The following TSPOAP1 variants were observed in gnomAD, a reference collection of about 807,000 sequenced individuals.
The protein encoded by TSPOAP1 is TSPO associated protein 1.
Under a neutral mutation model 197.0 loss-of-function variants are expected in TSPOAP1, and 87 were observed. That is an observed-to-expected ratio of 0.44 (90% CI 0.37 to 0.53). The LOEUF is 0.53. TSPOAP1 is among the 20% of genes least tolerant of loss of function. TSPOAP1 has a pLI of 0.00. For synonymous variants in TSPOAP1, 913 were observed against 998.9 expected (o/e 0.91, Z 1.62); for missense variants, 2,174 against 2,411.3 (o/e 0.90, Z 2.06).
rs766194867 is a variant in TSPOAP1, at chr17:58,309,487, G to C, written c.3892-107C>G. 12 of 1,426,094 alleles carry C rather than the reference G, an allele frequency of 8.4e-6. No homozygotes were observed. The Admixed American group carries it at 2.9e-4, about 34-fold the overall frequency. 88.3% of individuals were successfully genotyped at this position (1,426,094 alleles called of 1,614,324 possible). ...GCCCTCAAACGAAGGCAGGGGTTAC[G>C]GACAACCCCACAGCCCTCCCACGGC... On this transcript the variant is annotated intron_variant, in intron 21 of 31. Coordinates refer to ENST00000343736, the MANE Select transcript of TSPOAP1 (RefSeq NM_004758.4). The surrounding 1 kb of genome is among the most constrained non-coding windows in gnomAD (Gnocchi z 5.0).
At position 58,310,964 on chromosome 17, in the gene TSPOAP1, C is replaced by T; in HGVS notation, c.3331G>A (p.Asp1111Asn). 6.3e-7 allele frequency: 1 copy of T among 1,589,128 alleles called. No homozygotes were observed. Among genetic ancestry groups the T allele is most frequent in the Non-Finnish European group, 8.6e-7 (1 of 1,168,864 alleles). Residue 1111 changes from aspartate (D) to asparagine (N), a missense_variant, in exon 19 of 32, where the codon GAC becomes AAC. Coordinates refer to ENST00000343736, the MANE Select transcript of TSPOAP1 (RefSeq NM_004758.4). The stretch of plus-strand genomic sequence containing the variant: ...GGGTGCTGGAGAGGAGAGCTGGGGT[C>T]TCCAGGCCCTGGGGAGGCTGAAGCA... ...PLASASPGPG[D>N]PSSPLQHPAP... is the part of the protein sequence containing the mutation.
rs772175078 is a variant in TSPOAP1, at chr17:58,308,818, C to A, written c.4454G>T (p.Gly1485Val). The change falls in exon 22 of 32, where the codon GGC (glycine) becomes GTC (valine). Residue 1485 changes from glycine to valine, a missense_variant. Gly to Val is a moderately radical substitution (Grantham distance 109). Transcript: ENST00000343736. ...RCSRGRALEP[G>V]LASCLSPKCL... ...CTTGGGGGAAAGGCAGCTGGCCAGGCCAGGCTCCAGCGCCCGGCCACGGGA... is the reference window on the plus strand; with the variant it reads ...CTTGGGGGAAAGGCAGCTGGCCAGGACAGGCTCCAGCGCCCGGCCACGGGA... 2 of 1,612,728 alleles carry A rather than the reference C, an allele frequency of 1.2e-6. No individual in the cohort carries two copies. Among genetic ancestry groups the A allele is most frequent in the Non-Finnish European group, 1.7e-6 (2 of 1,179,812 alleles).
chr17:58,305,885 G>A lies in TSPOAP1; in HGVS notation c.5225-20C>T, dbSNP rs1250194982. On this transcript the variant is annotated intron_variant, in intron 26 of 31. Transcript: ENST00000343736. ...ACTCAGCTGTGGAAAGAATGTGCCT[G>A]TGAGCCCCCTCCCACCCTGCCCACC... 1.2e-6 allele frequency: 2 copies of A among 1,611,312 alleles called. No homozygotes were observed. The highest frequency in any genetic ancestry group is 1.7e-5 in the Admixed American group (1 of 59,948).
chr17:58,310,857 G>A lies in TSPOAP1; in HGVS notation c.3438C>T (p.Asp1146=). Residue 1146 remains aspartate, a synonymous_variant, in exon 19 of 32, where the codon GAC becomes GAT. Coordinates refer to ENST00000343736, the MANE Select transcript of TSPOAP1 (RefSeq NM_004758.4). ...SREMAKGSHE[D]PPAPCSQEEA... is the part of the protein sequence containing the mutation. ...GTACCTGGGAGCAAGGTGCTGGAGG[G>A]TCCTCGTGGGACCCTTTTGCCATCT... is the stretch of plus-strand genomic sequence containing the variant. 1 of 1,541,072 alleles carries A rather than the reference G, an allele frequency of 6.5e-7. No individual in the cohort carries two copies. Among genetic ancestry groups the A allele is most frequent in the Non-Finnish European group, 8.7e-7 (1 of 1,146,506 alleles).
rs779735070 is a variant in TSPOAP1, at chr17:58,311,608, C to T, written c.3044G>A (p.Arg1015Gln). Residue 1015 changes from arginine to glutamine, a missense_variant, in exon 18 of 32, where the codon CGG (arginine) becomes CAG (glutamine). Arg to Gln is a conservative substitution (Grantham distance 43). This residue lies in a region of TSPOAP1 where 1,933 missense variants were observed against 2,139.0 expected (regional missense o/e 0.90). Transcript: ENST00000343736. ...AGCGTAGATGGCATAGCCTGTGACCCGGACACCGTTGGATGTGCCAGCAGC... is the reference window on the plus strand; with the variant it reads ...AGCGTAGATGGCATAGCCTGTGACCTGGACACCGTTGGATGTGCCAGCAGC... ...IDAAGTSNGV[R>Q]VTGYAIYADG... 20 of 1,605,994 alleles carry T rather than the reference C, an allele frequency of 1.2e-5. No homozygotes were observed. The highest frequency in any genetic ancestry group is 1.7e-4 in the Middle Eastern group (1 of 6,032).
intron 29 of TSPOAP1, 69 bp from the exon 30 acceptor site, chr17:58,305,240 C>G (rs1970843888): frequency 6.7e-7 from 1 of 1,486,420 alleles, no homozygotes. Context: ...GACTCTGATG[C>G]CCCTGGGGAA....
chr17:58,316,395 G>T (rs1392824071), intron 15 of TSPOAP1, 30 bp downstream of exon 15: 2 of 1,576,784 alleles, frequency 1.3e-6, no homozygotes, highest in East Asian at 2.2e-5. Flanking sequence ...CTGGGGCTGG[G>T]CTAGGGGGCA....
intron 4 of TSPOAP1, 183 bp downstream of exon 4, chr17:58,325,351 G>A: frequency 2.6e-6 from 2 of 756,628 alleles, no homozygotes; most frequent in Non-Finnish European, 4.3e-6. Flanking sequence ...GCCCAGGTCT[G>A]GGACTCATGG....
chr17:58,304,407 C>G lies in TSPOAP1; in HGVS notation c.5545-8G>C, dbSNP rs374603265. The G allele has an allele frequency of 1.4e-5, 23 of 1,612,850 alleles. No individual in the cohort carries two copies. Among genetic ancestry groups the G allele is most frequent in the Non-Finnish European group, 1.9e-5 (22 of 1,178,956 alleles). ...TCTTCTCCTCCTCGTTCTCTGAGGA[C>G]AGGGAACAAAGAGAGGAGATGGGTT... is the stretch of plus-strand genomic sequence containing the variant. On this transcript the variant is annotated splice_polypyrimidine_tract_variant and splice_region_variant and intron_variant, in intron 30 of 31. Transcript: ENST00000343736. The surrounding 1 kb of genome is among the most constrained non-coding windows in gnomAD (Gnocchi z 4.2).
At position 58,316,055 on chromosome 17, in the gene TSPOAP1, T is replaced by C. The variant is rs1193312830; in HGVS notation, c.2066A>G (p.Tyr689Cys). ...PLTAGEYIYI[Y>C]GNMDEDGFFE... is the part of the protein sequence containing the mutation. ...AAAGCCATCCTCATCCATGTTGCCA[T>C]AGATGTAGATGTACTCGCCAGCTGT... The change falls in exon 16 of 32, where the codon TAT (tyrosine) becomes TGT (cysteine). Residue 689 changes from tyrosine (Y) to cysteine (C), a missense_variant. Physicochemically the swap from Tyr to Cys is radical, Grantham distance 194 (BLOSUM62 -2). This residue lies in a region of TSPOAP1 where 1,933 missense variants were observed against 2,139.0 expected (regional missense o/e 0.90). Transcript: ENST00000343736. The C allele has an allele frequency of 1.2e-6, 2 of 1,613,936 alleles. No individual in the cohort carries two copies. The highest frequency in any genetic ancestry group is 1.3e-5 in the African/African-American group (1 of 74,886).
Position 58,310,852 on chromosome 17 carries a change from G to A in TSPOAP1, c.3443C>T (p.Pro1148Leu), listed in dbSNP as rs776193768. ...EMAKGSHEDP[P>L]APCSQEEAGA... ...ACAGGGTACCTGGGAGCAAGGTGCT[G>A]GAGGGTCCTCGTGGGACCCTTTTGC... is the stretch of plus-strand genomic sequence containing the variant. Residue 1148 changes from proline (P) to leucine (L), a missense_variant, in exon 19 of 32, where the codon CCA becomes CTA. Coordinates refer to ENST00000343736, the MANE Select transcript of TSPOAP1 (RefSeq NM_004758.4). 3 of 1,549,186 alleles carry A rather than the reference G, an allele frequency of 1.9e-6. No homozygotes were observed. Among genetic ancestry groups the A allele is most frequent in the Non-Finnish European group, 2.6e-6 (3 of 1,148,902 alleles).
chr17:58,326,762 C>T lies in TSPOAP1; in HGVS notation c.362G>A (p.Arg121Lys). Residue 121 changes from arginine to lysine, a missense_variant, in exon 2 of 32, where the codon AGG becomes AAG. Coordinates refer to ENST00000343736, the MANE Select transcript of TSPOAP1 (RefSeq NM_004758.4). This position sits in a 1 kb window ranked among gnomAD's most constrained non-coding sequence, Gnocchi z 4.7. ...KAKLNMSFGDRPNLELLRALG... is the reference protein window; with the variant it reads ...KAKLNMSFGDKPNLELLRALG... ...GGCCCTCAGCAGCTCCAGATTGGGC[C>T]TGTCCCCAAAGCTCATATTCAGCTT... The T allele has an allele frequency of 6.2e-7, 1 of 1,614,112 alleles. No homozygotes were observed. Among genetic ancestry groups the T allele is most frequent in the Non-Finnish European group, 8.5e-7 (1 of 1,180,016 alleles).
In TSPOAP1 at chr17:58,306,835, C is replaced by T; in HGVS notation, c.5117G>A (p.Gly1706Asp). The part of the protein sequence containing the change: ...PAGRQQLLQR[G>D]YLSPDILLEG... ...AAGGAGAATATCTGGGGACAAATAA[C>T]CCCGCTGGAGCAGTTGCTGTCTCCC... Residue 1706 changes from glycine to aspartate, a missense_variant, in exon 25 of 32, where the codon GGT becomes GAT. Physicochemically the swap from Gly to Asp is moderately conservative, Grantham distance 94. Around this residue, in one of 5 missense-constraint regions of TSPOAP1, gnomAD observed 161 missense variants for 159.1 expected, o/e 1.01. Coordinates refer to ENST00000343736, the MANE Select transcript of TSPOAP1 (RefSeq NM_004758.4). The T allele has an allele frequency of 6.2e-7, 1 of 1,613,816 alleles. No individual in the cohort carries two copies. The highest frequency in any genetic ancestry group is 2.2e-5 in the East Asian group (1 of 44,884).
chr17:58,316,214 T>G, intron 15 of TSPOAP1, 82 bp from the exon 16 acceptor site: 1 of 1,277,590 alleles, frequency 7.8e-7, no homozygotes, highest in Non-Finnish European at 1.1e-6. Flanking sequence ...CCCACTGCAC[T>G]GAGCCTTTAC....
In TSPOAP1 at chr17:58,327,872, C is replaced by T; in HGVS notation, c.49G>A (p.Glu17Lys). Residue 17 changes from glutamate (E) to lysine (K), a missense_variant, in exon 1 of 32, where the codon GAG becomes AAG. Coordinates refer to ENST00000343736, the MANE Select transcript of TSPOAP1 (RefSeq NM_004758.4). ...LPRPGDPGAM[E>K]PWALPTWHSW... ...TGCCAGGTGGGCAGTGCCCATGGCT[C>T]CATGGCTCCAGGGTCCCCAGGCCGT... is the stretch of plus-strand genomic sequence containing the variant. 1.2e-6 allele frequency: 2 copies of T among 1,611,206 alleles called. No homozygotes were observed. The highest frequency in any genetic ancestry group is 1.7e-6 in the Non-Finnish European group (2 of 1,177,944).
chr17:58,320,527 C>A lies in TSPOAP1; in HGVS notation c.1473+4G>T. On this transcript the variant is annotated splice_donor_region_variant and intron_variant, in intron 11 of 31. Coordinates refer to ENST00000343736, the MANE Select transcript of TSPOAP1 (RefSeq NM_004758.4). ...GAACTGGGGGCCACTTCCAGGCGCCCTACCTCCAGCAGCTGCACGGCTCCT... is the reference window on the plus strand; with the variant it reads ...GAACTGGGGGCCACTTCCAGGCGCCATACCTCCAGCAGCTGCACGGCTCCT... The A allele has an allele frequency of 2.0e-6, 3 of 1,514,344 alleles. No homozygotes were observed. The highest frequency in any genetic ancestry group is 2.7e-6 in the Non-Finnish European group (3 of 1,131,990). 93.8% of individuals were successfully genotyped at this position (1,514,344 alleles called of 1,614,324 possible). A position where few individuals can be genotyped will look rare whatever the true frequency, so the allele number is the denominator to read the frequency against.
chr17:58,311,476 T>C, intron 18 of TSPOAP1, 95 bp downstream of exon 18: 1 of 1,489,582 alleles, frequency 6.7e-7, no homozygotes, highest in Non-Finnish European at 9.0e-7. Flanking sequence ...TGCCAGGGGC[T>C]GGGCATCTCC....
Position 58,304,397 on chromosome 17 carries a change from T to C in TSPOAP1, c.5547A>G (p.Arg1849=), listed in dbSNP as rs1215369351. The C allele has an allele frequency of 6.2e-7, 1 of 1,613,182 alleles. No individual in the cohort carries two copies. The highest frequency in any genetic ancestry group is 8.5e-7 in the Non-Finnish European group (1 of 1,179,310). ...EPRTPQAESQ[R]TRRRRVQC ...AGCACTGGACTCTTCTCCTCCTCGTTCTCTGAGGACAGGGAACAAAGAGAG... is the reference window on the plus strand; with the variant it reads ...AGCACTGGACTCTTCTCCTCCTCGTCCTCTGAGGACAGGGAACAAAGAGAG... The change falls in exon 31 of 32, where the codon AGA becomes AGG. Residue 1849 remains arginine (R), a splice_region_variant and synonymous_variant. Transcript: ENST00000343736. The surrounding 1 kb of genome is among the most constrained non-coding windows in gnomAD (Gnocchi z 4.2).
rs370827321 is a variant in TSPOAP1, at chr17:58,322,342, C to A, written c.1388G>T (p.Arg463Leu). 1.9e-6 allele frequency: 3 copies of A among 1,604,810 alleles called. No homozygotes were observed. The highest frequency in any genetic ancestry group is 2.7e-5 in the African/African-American group (2 of 74,934). Residue 463 changes from arginine (R) to leucine (L), a missense_variant, in exon 10 of 32, where the codon CGG becomes CTG. Arg to Leu is a moderately radical substitution (Grantham distance 102). This residue lies in a region of TSPOAP1 where 1,933 missense variants were observed against 2,139.0 expected (regional missense o/e 0.90). Transcript: ENST00000343736. The surrounding 1 kb of genome is among the most constrained non-coding windows in gnomAD (Gnocchi z 5.0). ...VEHEQARLSL[R>L]EKQEEVRRLQ... ...TCTCCGGACCTCCTCCTGCTTCTCCCGTAGGCTGAGCCGAGCCTGTTCATG... is the reference window on the plus strand; with the variant it reads ...TCTCCGGACCTCCTCCTGCTTCTCCAGTAGGCTGAGCCGAGCCTGTTCATG...
Sources: gnomAD v4.1 joint callset for allele counts on GRCh38, gnomAD v4.1.1 for gene constraint, gnomAD v4.1.1 regional missense constraint, Gnocchi (gnomAD v3.1) non-coding constraint, MANE v1.5 for transcripts, NCBI Gene and HGNC (gene_info 2026-07-23, HGNC 2026-07-21) for gene names.